The following PRKACA variants were observed in gnomAD, a reference collection of about 807,000 sequenced individuals.
The protein encoded by PRKACA is protein kinase cAMP-activated catalytic subunit alpha, also known as cAMP-dependent protein kinase catalytic subunit alpha.
PRKACA carries 9 observed loss-of-function variants against 45.8 expected under a neutral mutation model. The ratio of observed to expected loss-of-function variants is 0.20; its 90% CI spans 0.12 to 0.34. The LOEUF (loss-of-function observed/expected upper bound fraction) is 0.34. PRKACA is among the 10% of genes least tolerant of loss of function. The pLI is 1.00. For synonymous variants in PRKACA, 160 were observed against 178.6 expected (o/e 0.90, Z 0.83); for missense variants, 238 against 458.6 (o/e 0.52, Z 4.39).
rs776045481 is a variant in PRKACA, at chr19:14,097,918, G to A, written c.420-28C>T. 3.8e-5 allele frequency: 61 copies of A among 1,613,070 alleles called. No individual in the cohort carries two copies. The highest frequency in any genetic ancestry group is 4.7e-5 in the Non-Finnish European group (55 of 1,179,330). On this transcript the variant is annotated intron_variant, in intron 5 of 9. Coordinates refer to ENST00000308677, the MANE Select transcript of PRKACA (RefSeq NM_002730.4). This position sits in a 1 kb window ranked among gnomAD's most constrained non-coding sequence, Gnocchi z 5.4. Reference sequence around the variant, plus strand: ...GATGGGGACAAATGGGGAGGTGAACGTCAGTGGTCATGCCCCAAAATGGTC... The same window carrying A: ...GATGGGGACAAATGGGGAGGTGAACATCAGTGGTCATGCCCCAAAATGGTC...
chr19:14,116,363 C>G (rs1426797317), intron 1 of PRKACA, among the ~76,000 whole-genome samples: 1 of 152,190 alleles, frequency 6.6e-6, no homozygotes, highest in African/African-American at 2.4e-5. Context: ...AAACAGGTCT[C>G]TCTCTGGCTG....
In PRKACA at chr19:14,100,924, G is replaced by C. The variant is rs1010666059; in HGVS notation, c.337-16C>G. 2 of 1,612,056 alleles carry C rather than the reference G, an allele frequency of 1.2e-6. No homozygotes were observed. Among genetic ancestry groups the C allele is most frequent in the African/African-American group, 2.7e-5 (2 of 74,898 alleles). The stretch of plus-strand genomic sequence containing the variant: ...TTGAGTTGTCCTGTGGGAAGCAGTG[G>C]CTGGTCAAGGGCCCACCCCTGAGAC... On this transcript the variant is annotated splice_polypyrimidine_tract_variant and intron_variant, in intron 4 of 9. Transcript: ENST00000308677.
At chr19:14,108,142 A>C in intron 1 of PRKACA, 2 of 985,504 alleles carry the variant, frequency 2.0e-6, no homozygotes, top group African/African-American at 3.5e-5. Flanking sequence ...GTCTCTGCTG[A>C]GACACAGCCC....
intron 5 of PRKACA, among the ~76,000 whole-genome samples, chr19:14,100,553 C>T (rs1006248028): frequency 6.6e-6 from 1 of 152,236 alleles, no homozygotes; most frequent in African/African-American, 2.4e-5. Context: ...CCACCTTGGC[C>T]TCCCAAAGTG....
intron 3 of PRKACA, among the ~76,000 whole-genome samples, chr19:14,106,547 G>A (rs1301997273): frequency 1.3e-5 from 2 of 152,150 alleles, no homozygotes; most frequent in African/African-American, 4.8e-5. Context: ...CCAGCTACTC[G>A]GGAGGCTGAG....
chr19:14,103,026 A>G, intron 3 of PRKACA, 112 bp from the exon 4 acceptor site: 1 of 853,050 alleles, frequency 1.2e-6, no homozygotes, highest in East Asian at 2.5e-5. Flanking sequence ...TTCAGCCAGA[A>G]TCATTTGTGT....
At chr19:14,099,320 A>T (rs1977369951) in intron 5 of PRKACA, among the ~76,000 whole-genome samples, 2 of 152,210 alleles carry the variant, frequency 1.3e-5, no homozygotes, top group Non-Finnish European at 2.9e-5. Context: ...AAAACTACGT[A>T]TGTAAACTTA....
chr19:14,106,901 G>T lies in PRKACA; in HGVS notation c.109-13C>A. ...AGTGGGCTGTGTTCTGTGGGCAGAG[G>T]GGTCGGTAGGCTCAGGGCACGCCCT... On this transcript the variant is annotated splice_polypyrimidine_tract_variant and intron_variant, in intron 2 of 9. Transcript: ENST00000308677. 6.2e-7 allele frequency: 1 copy of T among 1,614,012 alleles called. No individual in the cohort carries two copies. The highest frequency in any genetic ancestry group is 8.5e-7 in the Non-Finnish European group (1 of 1,179,950).
Position 14,092,492 on chromosome 19 carries a change from G to C in PRKACA, c.*620C>G, listed in dbSNP as rs1977107616. The C allele has an allele frequency of 2.5e-6, 1 of 396,732 alleles. No individual in the cohort carries two copies. 24.6% of individuals were successfully genotyped at this position (396,732 alleles called of 1,614,324 possible). A position where few individuals can be genotyped will look rare whatever the true frequency, so the allele number is the denominator to read the frequency against. ...TCTCTTTAAAATGGATTTGAGGAAT[G>C]GGGGGACATGGGAGGGGTGGGAGTA... is the stretch of plus-strand genomic sequence containing the variant. On this transcript the variant is annotated 3_prime_UTR_variant, in exon 10 of 10. Transcript: ENST00000308677.
chr19:14,097,663 G>A lies in PRKACA; in HGVS notation c.558C>T (p.Phe186=), dbSNP rs761035852. ...GGCCCTTCACGCGCTTGGCGAAACC[G>A]AAGTCTGTCACCTGTGGGCACAAGA... ...DQQGYIQVTD[F]GFAKRVKGRT... is the part of the protein sequence containing the mutation. The change falls in exon 7 of 10, where the codon TTC becomes TTT. Residue 186 remains phenylalanine, a synonymous_variant. Coordinates refer to ENST00000308677, the MANE Select transcript of PRKACA (RefSeq NM_002730.4). This position sits in a 1 kb window ranked among gnomAD's most constrained non-coding sequence, Gnocchi z 5.4. 8 of 1,609,098 alleles carry A rather than the reference G, an allele frequency of 5.0e-6. No homozygotes were observed. The highest frequency in any genetic ancestry group is 4.4e-5 in the South Asian group (4 of 90,814).
At chr19:14,104,133 C>T (rs1253509473) in intron 3 of PRKACA, among the ~76,000 whole-genome samples, 5 of 145,760 alleles carry the variant, frequency 3.4e-5, no homozygotes, top group South Asian at 4.4e-4. Context: ...GTCAGGAGAT[C>T]GAGACCATCC....
intron 1 of PRKACA, among the ~76,000 whole-genome samples, chr19:14,116,803 G>A (rs1274219765): frequency 1.3e-5 from 2 of 152,050 alleles, no homozygotes; most frequent in Non-Finnish European, 2.9e-5. Context: ...CGCTTGCTTG[G>A]AGGACGGAGC....
chr19:14,107,291 C>T (rs377321442), intron 2 of PRKACA, 57 bp downstream of exon 2: 1 of 1,529,730 alleles, frequency 6.5e-7, no homozygotes, highest in Non-Finnish European at 9.0e-7. Context: ...GGGACACAGC[C>T]AGGGGCTGGG....
At chr19:14,105,365 A>T (rs1476966029) in intron 3 of PRKACA, among the ~76,000 whole-genome samples, 1 of 152,080 alleles carries the variant, frequency 6.6e-6, no homozygotes, top group Non-Finnish European at 1.5e-5. Context: ...TACAAAAGTT[A>T]GCTGGGCGTG....
intron 1 of PRKACA, among the ~76,000 whole-genome samples, chr19:14,110,380 C>T (rs954024255): frequency 1.3e-5 from 2 of 151,666 alleles, no homozygotes; most frequent in African/African-American, 2.4e-5. Context: ...GAATTCGAGA[C>T]CAGCCTGGAC....
chr19:14,102,796 C>G lies in PRKACA; in HGVS notation c.336+20G>C. 1 of 1,605,152 alleles carries G rather than the reference C, an allele frequency of 6.2e-7. No homozygotes were observed. The highest frequency in any genetic ancestry group is 8.5e-7 in the Non-Finnish European group (1 of 1,171,760). On this transcript the variant is annotated intron_variant, in intron 4 of 9. Coordinates refer to ENST00000308677, the MANE Select transcript of PRKACA (RefSeq NM_002730.4). ...GGACCCAATGCAGTGACCCCCCGCC[C>G]TTGGCCACTGGGACCCCACCTTGAA...
In PRKACA at chr19:14,092,812, C is replaced by T; in HGVS notation, c.*300G>A. 1 of 431,460 alleles carries T rather than the reference C, an allele frequency of 2.3e-6. No homozygotes were observed. Among genetic ancestry groups the T allele is most frequent in the Non-Finnish European group, 4.0e-6 (1 of 247,080 alleles). 26.7% of individuals were successfully genotyped at this position (431,460 alleles called of 1,614,324 possible). ...CTGGTCTGACTGGAGTTGAGAAACT[C>T]GTTTAAAACAGGCAGAAGTGGGCTG... is the stretch of plus-strand genomic sequence containing the variant. On this transcript the variant is annotated 3_prime_UTR_variant, in exon 10 of 10. Coordinates refer to ENST00000308677, the MANE Select transcript of PRKACA (RefSeq NM_002730.4).
rs949414155 is a variant in PRKACA, at chr19:14,106,653, C to A, written c.237+107G>T. 30 of 1,475,452 alleles carry A rather than the reference C, an allele frequency of 2.0e-5. No individual in the cohort carries two copies. The African/African-American group carries it at 3.8e-4, about 19-fold the overall frequency. 91.4% of individuals were successfully genotyped at this position (1,475,452 alleles called of 1,614,324 possible). A position where few individuals can be genotyped will look rare whatever the true frequency, so the allele number is the denominator to read the frequency against. On this transcript the variant is annotated intron_variant, in intron 3 of 9. Transcript: ENST00000308677. ...TGAGCGACAGAGCGAGACTCTGAAT[C>A]AAAAAAAAGCAAGTGAGTGAACGGG...
In PRKACA at chr19:14,107,983, A is replaced by T. The variant is rs1383937295; in HGVS notation, c.47-574T>A. 5.1e-6 allele frequency: 5 copies of T among 985,922 alleles called. No individual in the cohort carries two copies. In the South Asian group the frequency reaches 1.9e-4, roughly 37 times the overall value. The allele number at this position is 985,922 out of a possible 1,614,324, so 61.1% of individuals were successfully genotyped here. On this transcript the variant is annotated intron_variant, in intron 1 of 9. Coordinates refer to ENST00000308677, the MANE Select transcript of PRKACA (RefSeq NM_002730.4). Reference sequence around the variant, plus strand: ...GGCCCCATGGTATCCCAAGGTGAACATCACCGCCTGGCTAATGTTGAAACT... The same window carrying T: ...GGCCCCATGGTATCCCAAGGTGAACTTCACCGCCTGGCTAATGTTGAAACT...
Sources: allele counts gnomAD v4.1 joint callset (sites outside exome capture counted in the v4.1 genomes callset), GRCh38; gene constraint gnomAD v4.1.1; non-coding constraint Gnocchi (gnomAD v3.1); transcripts MANE v1.5; gene names NCBI Gene and HGNC (gene_info 2026-07-23, HGNC 2026-07-21).